The following AKAP17A variants were observed in gnomAD, a reference collection of about 807,000 sequenced individuals.
The protein encoded by AKAP17A is A-kinase anchor protein 17A.
Under a neutral mutation model 52.2 loss-of-function variants are expected in AKAP17A, and 15 were observed. That is an observed-to-expected ratio of 0.29 (90% CI 0.19 to 0.44). AKAP17A has a LOEUF of 0.44. AKAP17A is among the 20% of genes least tolerant of loss of function. AKAP17A has a pLI of 1.00. For synonymous variants in AKAP17A, 514 were observed against 424.7 expected (o/e 1.21, Z -2.58); for missense variants, 1,060 against 1,007.0 (o/e 1.05, Z -0.71).
chrX:1,599,269 G>C lies in AKAP17A; in HGVS notation c.989G>C (p.Arg330Thr), dbSNP rs145721070. Residue 330 changes from arginine (R) to threonine (T), a missense_variant, in exon 4 of 5, where the codon AGG becomes ACG. By Grantham distance (71) the Arg-to-Thr change is moderately conservative. Transcript: ENST00000313871. ...EKLRKREQKQ[R>T]DRELRRNQKK... ...CTTCGCAAGAGGGAGCAGAAGCAGAGGGACCGTGAGCTGCGCCGGAATCAG... is the reference window on the plus strand; with the variant it reads ...CTTCGCAAGAGGGAGCAGAAGCAGACGGACCGTGAGCTGCGCCGGAATCAG... 192 of 1,612,504 alleles carry C rather than the reference G, an allele frequency of 1.2e-4. No individual in the cohort carries two copies. Among genetic ancestry groups the C allele is most frequent in the Non-Finnish European group, 1.2e-4 (140 of 1,179,736 alleles).
At chrX:1,596,234 A>AAC (rs1556033912) in intron 3 of AKAP17A, among the ~76,000 whole-genome samples, 7 of 150,246 alleles carry the variant, frequency 4.7e-5, no homozygotes, top group Non-Finnish European at 7.4e-5. Context: ...TTTAAAAAAA[A>AAC]AAAAAAAAAC....
At chrX:1,593,322 C>A in intron 1 of AKAP17A, 122 bp from the exon 2 acceptor site, 1 of 964,008 alleles carries the variant, frequency 1.0e-6, no homozygotes, top group Non-Finnish European at 1.6e-6. Flanking sequence ...GTCTCTGACA[C>A]GGCAGAGAGA....
intron 4 of AKAP17A, chrX:1,599,771 C>A: frequency 1.6e-6 from 1 of 607,102 alleles, no homozygotes; most frequent in South Asian, 2.0e-5. Context: ...TCCCTCTGGC[C>A]CGCGCCTCTG....
Position 1,599,892 on chromosome X carries a change from CCCT to C in AKAP17A, c.1152+466_1152+468del, listed in dbSNP as rs1160458732. On this transcript the variant is annotated intron_variant, in intron 4 of 4. Coordinates refer to ENST00000313871, the MANE Select transcript of AKAP17A (RefSeq NM_005088.3). ...GAGGGGGCCTGCCGTGGGCCCGGGT[CCCT>C]CCTCCGCAGCGTGAACCTGACAGGT... The C allele has an allele frequency of 8.9e-6, 5 of 561,892 alleles. No individual in the cohort carries two copies. In the African/African-American group the frequency reaches 9.4e-5, roughly 11 times the overall value. 34.8% of individuals were successfully genotyped at this position (561,892 alleles called of 1,614,324 possible).
At chrX:1,597,958 C>G (rs1297493841) in intron 3 of AKAP17A, among the ~76,000 whole-genome samples, 2 of 152,258 alleles carry the variant, frequency 1.3e-5, no homozygotes, top group East Asian at 3.9e-4. Flanking sequence ...CCGCTGTCCC[C>G]CACTGTCCTT....
At chrX:1,599,831 G>A in intron 4 of AKAP17A, 1 of 598,218 alleles carries the variant, frequency 1.7e-6, no homozygotes, top group Non-Finnish European at 3.0e-6. Context: ...CCAGAGCAGA[G>A]GGGCAAGGTG....
intron 4 of AKAP17A, chrX:1,599,946 C>T: frequency 2.1e-6 from 1 of 478,578 alleles, no homozygotes; most frequent in East Asian, 4.2e-5. Flanking sequence ...ACTGACGACC[C>T]CCTCAGCACC....
At chrX:1,599,744 AGAGTGCAGGGGGCCGCTCCCTCTG>A (rs1383457369) in intron 4 of AKAP17A, 1 of 617,332 alleles carries the variant, frequency 1.6e-6, no homozygotes, top group African/African-American at 1.9e-5. Flanking sequence ...GCAGTGGCAG[AGAGTGCAGGGGGCCGCTCCCTCTG>A]GCCCGCGCCT....
intron 3 of AKAP17A, among the ~76,000 whole-genome samples, chrX:1,596,989 C>T (rs1414157735): frequency 1.3e-5 from 2 of 151,570 alleles, no homozygotes; most frequent in African/African-American, 4.8e-5. Flanking sequence ...TTGGTGCGTC[C>T]TGCACGTCTG....
chrX:1,595,323 C>G lies in AKAP17A; in HGVS notation c.763-61C>G, dbSNP rs1310082862. 4 of 1,606,328 alleles carry G rather than the reference C, an allele frequency of 2.5e-6. No homozygotes were observed. The African/African-American group carries it at 4.0e-5, about 16-fold the overall frequency. Reference sequence around the variant, plus strand: ...GGCCCTACGGCCCAGGAGAGGGCGCCTGGCCGTGTGTCTGGGGGGTTTTGG... The same window carrying G: ...GGCCCTACGGCCCAGGAGAGGGCGCGTGGCCGTGTGTCTGGGGGGTTTTGG... On this transcript the variant is annotated intron_variant, in intron 2 of 4. Transcript: ENST00000313871.
At chrX:1,598,624 G>A (rs1933157848) in intron 3 of AKAP17A, among the ~76,000 whole-genome samples, 1 of 152,070 alleles carries the variant, frequency 6.6e-6, no homozygotes, top group Non-Finnish European at 1.5e-5. Flanking sequence ...CCCCTCCCCG[G>A]CCGCATTCAT....
In AKAP17A at chrX:1,601,096, T is replaced by A; in HGVS notation, c.1590T>A (p.Arg530=). The A allele has an allele frequency of 4.3e-6, 7 of 1,613,614 alleles. No individual in the cohort carries two copies. The South Asian group carries it at 7.7e-5, about 18-fold the overall frequency. The change falls in exon 5 of 5, where the codon CGT becomes CGA. Residue 530 remains arginine, a synonymous_variant. Transcript: ENST00000313871. ...GCAAGGAGGTTCAGAGCTCCTGTCG[T>A]GTGGTCCCCGAGGATGGCTCTCCAG... The part of the protein sequence containing the change: ...APCKEVQSSC[R]VVPEDGSPEK...
Position 1,600,990 on chromosome X carries a change from C to A in AKAP17A, c.1484C>A (p.Ala495Asp). The change falls in exon 5 of 5, where the codon GCC becomes GAC. Residue 495 changes from alanine (A) to aspartate (D), a missense_variant. Ala to Asp is a moderately radical substitution (Grantham distance 126). Transcript: ENST00000313871. ...CTCGGGGGCCAGCCCCCGGCCGGTG[C>A]CCCCAAGGAGAGCCCGGCCCACCCA... The part of the protein sequence containing the change: ...HPLGGQPPAG[A>D]PKESPAHPEA... 2 of 1,601,376 alleles carry A rather than the reference C, an allele frequency of 1.2e-6. No homozygotes were observed. The highest frequency in any genetic ancestry group is 1.7e-6 in the Non-Finnish European group (2 of 1,175,154).
intron 2 of AKAP17A, among the ~76,000 whole-genome samples, chrX:1,594,908 C>A (rs1480316969): frequency 6.6e-6 from 1 of 152,228 alleles, no homozygotes; most frequent in Non-Finnish European, 1.5e-5. Context: ...TGAGCCACTG[C>A]GCTCAGCCTA....
chrX:1,599,980 AG>A, intron 4 of AKAP17A: 1 of 461,794 alleles, frequency 2.2e-6, no homozygotes, highest in Non-Finnish European at 4.1e-6. Context: ...CTCCTCCTGC[AG>A]GCGCGACTGG....
rs773634719 is a variant in AKAP17A, at chrX:1,593,783, C to A, written c.321C>A (p.Ser107=). ...AGACCATCAAGCTCAGCGGCTTCTCCGACATCCTGAAGGTGCGCGCGGCCG... is the reference window on the plus strand; with the variant it reads ...AGACCATCAAGCTCAGCGGCTTCTCAGACATCCTGAAGGTGCGCGCGGCCG... ...DGKTIKLSGF[S]DILKVRAAEF... The change falls in exon 2 of 5, where the codon TCC becomes TCA. Residue 107 remains serine, a synonymous_variant. Transcript: ENST00000313871. 2.5e-6 allele frequency: 4 copies of A among 1,613,690 alleles called. No homozygotes were observed. The East Asian group carries it at 8.9e-5, about 36-fold the overall frequency.
At chrX:1,597,078 C>T (rs1933038109) in intron 3 of AKAP17A, among the ~76,000 whole-genome samples, 1 of 152,206 alleles carries the variant, frequency 6.6e-6, no homozygotes, top group African/African-American at 2.4e-5. Flanking sequence ...TCTGGTGGGA[C>T]CGAGTTGGTC....
intron 4 of AKAP17A, 94 bp from the exon 5 acceptor site, chrX:1,600,565 A>T: frequency 1.6e-6 from 2 of 1,254,902 alleles, no homozygotes. Flanking sequence ...GCATCCCCAG[A>T]CCATGGGGCC....
chrX:1,601,301 C>T lies in AKAP17A; in HGVS notation c.1795C>T (p.His599Tyr). The T allele has an allele frequency of 6.2e-7, 1 of 1,609,414 alleles. No homozygotes were observed. The highest frequency in any genetic ancestry group is 8.5e-7 in the Non-Finnish European group (1 of 1,178,692). The change falls in exon 5 of 5, where the codon CAC becomes TAC. Residue 599 changes from histidine to tyrosine, a missense_variant. His to Tyr is a moderately conservative substitution (Grantham distance 83). Transcript: ENST00000313871. Reference sequence around the variant, plus strand: ...CACCGGAGACGGGCTTGCTGACCGGCACAAGCGGGAGAGGAGCCGGGCCAG... The same window carrying T: ...CACCGGAGACGGGCTTGCTGACCGGTACAAGCGGGAGAGGAGCCGGGCCAG... ...RATGDGLADRHKRERSRARRA... is the reference protein window; with the variant it reads ...RATGDGLADRYKRERSRARRA...
Sources: gnomAD v4.1 joint callset for allele counts (sites outside exome capture counted in the v4.1 genomes callset) on GRCh38, gnomAD v4.1.1 for gene constraint, MANE v1.5 for transcripts, NCBI Gene and HGNC (gene_info 2026-07-23, HGNC 2026-07-21) for gene names.